ATP6V0A4: variants seen among roughly 807,000 people sequenced by gnomAD.
ATP6V0A4 encodes the protein ATPase H+ transporting V0 subunit a4.
ATP6V0A4 carries 86 observed loss-of-function variants against 107.3 expected under a neutral mutation model. That is an observed-to-expected ratio of 0.80 (90% CI 0.67 to 0.96). The LOEUF is 0.96. Among genes scored for constraint, ATP6V0A4 ranks in the 40% least tolerant of loss-of-function variants. The pLI is 0.00. For missense variants in ATP6V0A4, 908 were observed against 1,045.6 expected (o/e 0.87, Z 1.81); for synonymous variants, 353 against 381.4 (o/e 0.93, Z 0.87).
intron 3 of ATP6V0A4, among the ~76,000 whole-genome samples, chr7:138,769,654 T>C (rs936304202): frequency 2.0e-5 from 3 of 152,306 alleles, no homozygotes; most frequent in Non-Finnish European, 4.4e-5. Context: ...TACTAGAGAA[T>C]GTTGCTGGAA....
At chr7:138,754,407 C>T (rs1331256858) in intron 10 of ATP6V0A4, among the ~76,000 whole-genome samples, 1 of 147,254 alleles carries the variant, frequency 6.8e-6, no homozygotes, top group Non-Finnish European at 1.5e-5. Flanking sequence ...GAGATTGCGC[C>T]ACTGCACTCC....
chr7:138,757,688 C>T (rs1584931053), intron 8 of ATP6V0A4, among the ~76,000 whole-genome samples: 1 of 152,148 alleles, frequency 6.6e-6, no homozygotes. Flanking sequence ...AGCCAGCAAT[C>T]CTATTTTTCT....
intron 14 of ATP6V0A4, among the ~76,000 whole-genome samples, chr7:138,741,727 C>T (rs1805644201): frequency 1.3e-5 from 2 of 152,198 alleles, no homozygotes; most frequent in Admixed American, 6.5e-5. Context: ...CCCAATGATG[C>T]ACCATTTCCC....
intron 2 of ATP6V0A4, among the ~76,000 whole-genome samples, chr7:138,783,040 A>G (rs1008748464): frequency 3.9e-5 from 6 of 152,214 alleles, no homozygotes; most frequent in Non-Finnish European, 7.3e-5. Flanking sequence ...GCACCACTGC[A>G]CTGCAGCCTG....
chr7:138,722,994 G>C (rs1322878068), intron 18 of ATP6V0A4, among the ~76,000 whole-genome samples: 2 of 148,382 alleles, frequency 1.3e-5, no homozygotes, highest in Non-Finnish European at 3.0e-5. Flanking sequence ...GGAGGCAGAG[G>C]TTGCAGTGAG....
At chr7:138,762,201 G>T (rs1303434222) in intron 7 of ATP6V0A4, 139 bp downstream of exon 7, 1 of 1,094,282 alleles carries the variant, frequency 9.1e-7, no homozygotes, top group African/African-American at 1.6e-5. Flanking sequence ...GTTACATATG[G>T]GTCTATCGCT....
At chr7:138,714,043 GC>G (rs1366169035) in intron 20 of ATP6V0A4, among the ~76,000 whole-genome samples, 1 of 146,188 alleles carries the variant, frequency 6.8e-6, no homozygotes, top group African/African-American at 2.5e-5. Flanking sequence ...TTTGAGGCTA[GC>G]CTAGGCAAAA....
chr7:138,780,213 T>G (rs1807856271), intron 2 of ATP6V0A4: 1 of 152,090 alleles, frequency 6.6e-6, no homozygotes, highest in Non-Finnish European at 1.5e-5. Context: ...TGGAAGACAG[T>G]TTTTCCACGA....
Position 138,709,806 on chromosome 7 carries a change from C to G in ATP6V0A4, c.2258-11G>C, listed in dbSNP as rs116649489. On this transcript the variant is annotated splice_polypyrimidine_tract_variant and intron_variant, in intron 20 of 21. Coordinates refer to ENST00000310018, the MANE Select transcript of ATP6V0A4 (RefSeq NM_020632.3). The stretch of plus-strand genomic sequence containing the variant: ...GCACTTCAGACAGTTCTGCAAGGTA[C>G]GAGAAACCACTGGGATTATCTTGTA... 6.2e-7 allele frequency: 1 copy of G among 1,613,100 alleles called. No individual in the cohort carries two copies.
At chr7:138,782,065 G>A (rs764031576) in intron 2 of ATP6V0A4, among the ~76,000 whole-genome samples, 10 of 152,154 alleles carry the variant, frequency 6.6e-5, no homozygotes, top group Non-Finnish European at 1.3e-4. Context: ...GGGTGTATGA[G>A]TTTCCTAGGA....
chr7:138,797,954 G>A, intron 1 of ATP6V0A4, 80 bp downstream of exon 1: 1 of 1,537,796 alleles, frequency 6.5e-7, no homozygotes, highest in Non-Finnish European at 8.7e-7. Flanking sequence ...TCCACCCCAT[G>A]GTGTTTCCCC....
At chr7:138,784,281 CATATATAT>C (rs57155792) in intron 2 of ATP6V0A4, among the ~76,000 whole-genome samples, 56,198 of 114,406 alleles carry the variant, frequency 0.49, 13,172 homozygotes, top group Admixed American at 0.58. Flanking sequence ...TATATATATA[CATATATAT>C]ACACACACAC....
Position 138,762,489 on chromosome 7 carries a change from G to T in ATP6V0A4, c.418-55C>A, listed in dbSNP as rs567755175. ...TAAATATATTTAGGGAAACTCAAAA[G>T]GCACCTACACCTCAAGATTTTCTCT... On this transcript the variant is annotated intron_variant, in intron 6 of 21. Coordinates refer to ENST00000310018, the MANE Select transcript of ATP6V0A4 (RefSeq NM_020632.3). 1.9e-6 allele frequency: 3 copies of T among 1,606,296 alleles called. No homozygotes were observed. The South Asian group carries it at 3.3e-5, about 18-fold the overall frequency.
intron 2 of ATP6V0A4, among the ~76,000 whole-genome samples, chr7:138,785,781 A>G (rs1018216823): frequency 6.6e-6 from 1 of 152,170 alleles, no homozygotes; most frequent in Non-Finnish European, 1.5e-5. Context: ...GTGCAACTGA[A>G]TGCAATTCAT....
At chr7:138,752,901 A>G in intron 10 of ATP6V0A4, 64 bp from the exon 11 acceptor site, 1 of 1,594,648 alleles carries the variant, frequency 6.3e-7, no homozygotes, top group Non-Finnish European at 8.5e-7. Context: ...CAAGGTGCCA[A>G]AAATGGAGTG....
At chr7:138,719,339 T>A (rs996763084) in intron 19 of ATP6V0A4, among the ~76,000 whole-genome samples, 1 of 152,282 alleles carries the variant, frequency 6.6e-6, no homozygotes, top group South Asian at 2.1e-4. Flanking sequence ...TGATCGTTTA[T>A]GCGAATGCAG....
chr7:138,715,692 C>A, intron 20 of ATP6V0A4, 72 bp downstream of exon 20: 1 of 1,563,870 alleles, frequency 6.4e-7, no homozygotes, highest in Non-Finnish European at 8.8e-7. Context: ...ACCTTTACTT[C>A]CAAATACATG....
At chr7:138,750,378 G>A (rs2117284909) in intron 11 of ATP6V0A4, among the ~76,000 whole-genome samples, 1 of 152,114 alleles carries the variant, frequency 6.6e-6, no homozygotes, top group Middle Eastern at 3.4e-3. Context: ...AGCCTCCTGA[G>A]TAGCTGGGAC....
At chr7:138,745,980 A>ATATATATAT (rs1562997895) in intron 13 of ATP6V0A4, among the ~76,000 whole-genome samples, 2 of 39,956 alleles carry the variant, frequency 5.0e-5, no homozygotes, top group East Asian at 2.2e-3. Flanking sequence ...TATATATATA[A>ATATATATAT]AATATATATT....
Sources: gnomAD v4.1 joint callset for allele counts (sites outside exome capture counted in the v4.1 genomes callset) on GRCh38, gnomAD v4.1.1 for gene constraint, MANE v1.5 for transcripts, NCBI Gene and HGNC (gene_info 2026-07-23, HGNC 2026-07-21) for gene names.